SNTG2: variants seen among roughly 807,000 people sequenced by gnomAD.
The protein encoded by SNTG2 is syntrophin gamma 2, also known as gamma-2-syntrophin.
In SNTG2, 74 loss-of-function variants were observed where a neutral mutation model predicts 70.9. The ratio of observed to expected loss-of-function variants is 1.04; its 90% CI spans 0.86 to 1.27. The LOEUF (loss-of-function observed/expected upper bound fraction) is 1.27, where lower values mean the gene tolerates loss of function less well. Ranked by LOEUF, SNTG2 falls within the 50% of genes most tolerant of loss-of-function variation. SNTG2 has a pLI of 0.00. For missense variants in SNTG2, 717 were observed against 690.7 expected, an observed-to-expected ratio of 1.04 and a Z score of -0.43; for synonymous variants, 278 against 273.8, an observed-to-expected ratio of 1.02 and a Z score of -0.15.
At chr2:1,219,388 A>G (rs955150896) in intron 9 of SNTG2, among the ~76,000 whole-genome samples, 4 of 152,182 alleles carry the variant, frequency 2.6e-5, no homozygotes, top group African/African-American at 9.6e-5. Flanking sequence ...ACCAATACAA[A>G]TTGTTTATGG....
At chr2:1,152,726 C>T (rs977895156) in intron 6 of SNTG2, among the ~76,000 whole-genome samples, 6 of 152,154 alleles carry the variant, frequency 3.9e-5, no homozygotes, top group Non-Finnish European at 8.8e-5. Flanking sequence ...TCTTTTTCCT[C>T]AGAGAAATCT....
Position 1,063,559 on chromosome 2 carries a change from G to C in SNTG2, c.73-19959G>C, listed in dbSNP as rs545670520. On this transcript the variant is annotated intron_variant, in intron 1 of 16. Transcript: ENST00000308624. ...ATGACCCTGATGTCAGAGTGCTCCT[G>C]AAGAGACTGGAAAATAACTATGACC... 8.1e-4 allele frequency among the ~76,000 whole-genome samples: 124 copies of C among 152,278 alleles called. 1 individual carries two copies. The highest frequency in any genetic ancestry group is 2.7e-3 in the Admixed American group (41 of 15,296).
intron 8 of SNTG2, among the ~76,000 whole-genome samples, chr2:1,203,800 C>T (rs546480371): frequency 6.6e-6 from 1 of 150,696 alleles, no homozygotes; most frequent in Admixed American, 6.6e-5. Context: ...ATTAACAAAT[C>T]GAAAGAAGGA....
chr2:1,098,170 G>C (rs762775850), intron 2 of SNTG2, 26 bp from the exon 3 acceptor site: 4 of 1,611,252 alleles, frequency 2.5e-6, no homozygotes, highest in Middle Eastern at 1.7e-4. Context: ...ACCTAAACTT[G>C]GTTTGTTTTC....
chr2:974,830 C>T (rs146613977), intron 1 of SNTG2, among the ~76,000 whole-genome samples: 12 of 152,228 alleles, frequency 7.9e-5, no homozygotes, highest in African/African-American at 2.6e-4. Context: ...TGTGCTTTTA[C>T]ACTCTCTGAC....
intron 1 of SNTG2, among the ~76,000 whole-genome samples, chr2:975,371 A>G (rs1464011728): frequency 1.3e-5 from 2 of 152,176 alleles, no homozygotes; most frequent in Admixed American, 6.5e-5. Flanking sequence ...CCTGTGAGCA[A>G]ACAACACGTG....
At chr2:1,190,149 T>C (rs1170178346) in intron 8 of SNTG2, among the ~76,000 whole-genome samples, 1 of 152,086 alleles carries the variant, frequency 6.6e-6, no homozygotes, top group Non-Finnish European at 1.5e-5. Flanking sequence ...GAAAATATTA[T>C]ATATACACAC....
chr2:1,318,492 T>C (rs908844410), intron 16 of SNTG2, among the ~76,000 whole-genome samples: 1 of 152,242 alleles, frequency 6.6e-6, no homozygotes, highest in African/African-American at 2.4e-5. Flanking sequence ...TGAATGCAGA[T>C]GGTACAGACA....
At chr2:1,357,563 A>T (rs1334128990) in intron 16 of SNTG2, among the ~76,000 whole-genome samples, 1 of 152,132 alleles carries the variant, frequency 6.6e-6, no homozygotes, top group Non-Finnish European at 1.5e-5. Flanking sequence ...TGTCCTCTTC[A>T]GTTTTTGAAA....
intron 4 of SNTG2, among the ~76,000 whole-genome samples, chr2:1,128,072 G>T (rs1399140078): frequency 1.3e-5 from 2 of 152,088 alleles, no homozygotes; most frequent in Admixed American, 1.3e-4. Context: ...TTAGCTGTGG[G>T]TTTGTCATAT....
chr2:973,429 GGTTTT>G (rs1262240788), intron 1 of SNTG2, among the ~76,000 whole-genome samples: 3 of 151,764 alleles, frequency 2.0e-5, no homozygotes, highest in African/African-American at 4.8e-5. Context: ...GTAAGGTTGA[GGTTTT>G]GTTTTGTTTT....
chr2:1,335,826 C>T (rs1172741438), intron 16 of SNTG2, among the ~76,000 whole-genome samples: 1 of 152,126 alleles, frequency 6.6e-6, no homozygotes, highest in Non-Finnish European at 1.5e-5. Flanking sequence ...CTGGTAAACA[C>T]TCCAGCTTCT....
intron 1 of SNTG2, among the ~76,000 whole-genome samples, chr2:1,042,074 G>C (rs535937261): frequency 6.6e-6 from 1 of 152,180 alleles, no homozygotes; most frequent in Non-Finnish European, 1.5e-5. Flanking sequence ...AATGAAATTT[G>C]AAACATCTGT....
intron 1 of SNTG2, among the ~76,000 whole-genome samples, chr2:996,558 A>G (rs1242556729): frequency 6.6e-6 from 1 of 152,160 alleles, no homozygotes; most frequent in East Asian, 1.9e-4. Flanking sequence ...ATATATCTAC[A>G]TATAGACATA....
intron 4 of SNTG2, among the ~76,000 whole-genome samples, chr2:1,131,295 T>C (rs1328774457): frequency 6.6e-6 from 1 of 152,188 alleles, no homozygotes; most frequent in East Asian, 1.9e-4. Context: ...GGTAGAAACA[T>C]TTAGGTGCTG....
chr2:1,331,748 A>T (rs1232704989), intron 16 of SNTG2, among the ~76,000 whole-genome samples: 1 of 152,154 alleles, frequency 6.6e-6, no homozygotes, highest in Non-Finnish European at 1.5e-5. Flanking sequence ...CTGTGAAGTC[A>T]TCGTTTTCTT....
At chr2:1,356,920 A>G (rs1660881169) in intron 16 of SNTG2, among the ~76,000 whole-genome samples, 1 of 150,820 alleles carries the variant, frequency 6.6e-6, no homozygotes, top group African/African-American at 2.4e-5. Context: ...ACTTGTTTTG[A>G]TGCTATTGTA....
intron 1 of SNTG2, among the ~76,000 whole-genome samples, chr2:1,029,058 C>G (rs1317208302): frequency 6.6e-6 from 1 of 152,174 alleles, no homozygotes; most frequent in Non-Finnish European, 1.5e-5. Flanking sequence ...CTCCGGCGGC[C>G]TGGACAGCAG....
chr2:1,220,502 C>T (rs113339376), intron 9 of SNTG2, among the ~76,000 whole-genome samples: 212 of 152,312 alleles, frequency 1.4e-3, no homozygotes, highest in African/African-American at 4.8e-3. Flanking sequence ...TGGAGAGCCC[C>T]GGTCTGAGGT....
Sources: gnomAD v4.1 joint callset for allele counts (sites outside exome capture counted in the v4.1 genomes callset) on GRCh38, gnomAD v4.1.1 for gene constraint, MANE v1.5 for transcripts, NCBI Gene and HGNC (gene_info 2026-07-23, HGNC 2026-07-21) for gene names.